The following PPM1H variants were observed in gnomAD, a reference collection of about 807,000 sequenced individuals.
The protein encoded by PPM1H is protein phosphatase 1H.
In PPM1H, 27 loss-of-function variants were observed where a neutral mutation model predicts 54.9. That is an observed-to-expected ratio of 0.49 (90% CI 0.36 to 0.68). The LOEUF is 0.68. Ranked by LOEUF, PPM1H falls within the 30% of genes least tolerant of loss-of-function variation. The pLI, the probability that PPM1H is intolerant of heterozygous loss-of-function variation, is 0.00. For missense variants in PPM1H, 596 were observed against 667.8 expected (o/e 0.89, Z 1.19); for synonymous variants, 305 against 270.8 (o/e 1.13, Z -1.24).
chr12:62,809,266 G>T (rs2076822297), intron 2 of PPM1H, among the ~76,000 whole-genome samples: 1 of 152,130 alleles, frequency 6.6e-6, no homozygotes, highest in Non-Finnish European at 1.5e-5. Flanking sequence ...GGCCAGGCTG[G>T]TCTCAAACTC....
At chr12:62,659,782 G>T (rs918421869) in intron 9 of PPM1H, among the ~76,000 whole-genome samples, 2 of 152,060 alleles carry the variant, frequency 1.3e-5, no homozygotes, top group African/African-American at 2.4e-5. Context: ...AGTAAAACAG[G>T]CCCACTCAAA....
At chr12:62,757,848 T>C (rs145419910) in intron 4 of PPM1H, among the ~76,000 whole-genome samples, 1 of 152,296 alleles carries the variant, frequency 6.6e-6, no homozygotes, top group African/African-American at 2.4e-5. Context: ...TAGAACACAA[T>C]TATTATCTTA....
intron 1 of PPM1H, among the ~76,000 whole-genome samples, chr12:62,908,009 T>A (rs925058408): frequency 1.3e-5 from 2 of 152,254 alleles, no homozygotes; most frequent in Non-Finnish European, 2.9e-5. Flanking sequence ...ACATTCCCTT[T>A]ATTTTAAAAT....
At chr12:62,660,444 A>G (rs960513807) in intron 9 of PPM1H, among the ~76,000 whole-genome samples, 4 of 152,354 alleles carry the variant, frequency 2.6e-5, no homozygotes. Flanking sequence ...AAAATATACT[A>G]CAAAGCTATA....
chr12:62,725,792 C>T (rs1018651191), intron 5 of PPM1H, among the ~76,000 whole-genome samples: 15 of 152,106 alleles, frequency 9.9e-5, no homozygotes, highest in Middle Eastern at 3.4e-3. Flanking sequence ...CATGCCTGTC[C>T]CCTGGCTGGC....
chr12:62,834,098 C>T lies in PPM1H; in HGVS notation c.246-1819G>A, dbSNP rs1868429336. Among the ~76,000 whole-genome samples the T allele has an allele frequency of 5.3e-5, 8 of 152,256 alleles. No homozygotes were observed. In the South Asian group the frequency reaches 1.7e-3, roughly 32 times the overall value. On this transcript the variant is annotated intron_variant, in intron 1 of 9. Transcript: ENST00000228705. The stretch of plus-strand genomic sequence containing the variant: ...CAAAAGCCTATGTTTACTTATTTCA[C>T]ATATTACAGTATTTCCTAAGATTTG...
intron 4 of PPM1H, among the ~76,000 whole-genome samples, chr12:62,752,367 A>T (rs1382707587): frequency 1.3e-5 from 2 of 152,330 alleles, no homozygotes; most frequent in East Asian, 1.9e-4. Flanking sequence ...AGAAAAAAAA[A>T]TTTTGTGACC....
intron 4 of PPM1H, among the ~76,000 whole-genome samples, chr12:62,759,562 A>G (rs2076494736): frequency 6.6e-6 from 1 of 152,196 alleles, no homozygotes; most frequent in Admixed American, 6.5e-5. Flanking sequence ...TCCCTTGGTG[A>G]TTAATCATTG....
chr12:62,648,572 G>C lies in PPM1H; in HGVS notation c.1462C>G (p.Arg488Gly), dbSNP rs752870905. ...GAGCCCAGTCGGTCATTAGATATCC[G>C]CCATCCTCTGTCCTTCAGCACACCC... Reference protein sequence around the residue: ...ARGVLKDRGWRISNDRLGSGD... With the variant: ...ARGVLKDRGWGISNDRLGSGD... Residue 488 changes from arginine to glycine, a missense_variant, in exon 10 of 10, where the codon CGG becomes GGG. By Grantham distance (125) the Arg-to-Gly change is moderately radical. Coordinates refer to ENST00000228705, the MANE Select transcript of PPM1H (RefSeq NM_020700.2). 1 of 1,613,814 alleles carries C rather than the reference G, an allele frequency of 6.2e-7. No homozygotes were observed. Among genetic ancestry groups the C allele is most frequent in the South Asian group, 1.1e-5 (1 of 91,076 alleles).
At chr12:62,916,212 G>A (rs1446639080) in intron 1 of PPM1H, among the ~76,000 whole-genome samples, 1 of 152,226 alleles carries the variant, frequency 6.6e-6, no homozygotes, top group African/African-American at 2.4e-5. Flanking sequence ...TTAGCTGACT[G>A]AAAACTGAGT....
chr12:62,903,128 A>G (rs368330449), intron 1 of PPM1H, among the ~76,000 whole-genome samples: 1 of 152,176 alleles, frequency 6.6e-6, no homozygotes, highest in South Asian at 2.1e-4. Flanking sequence ...TACACTGGCA[A>G]GAGTCCAGCT....
At chr12:62,691,810 CAAAA>C (rs34984420) in intron 7 of PPM1H, among the ~76,000 whole-genome samples, 3 of 127,822 alleles carry the variant, frequency 2.3e-5, no homozygotes, top group African/African-American at 2.9e-5. Flanking sequence ...TGCCATGTCT[CAAAA>C]AAAAAAAAAA....
intron 6 of PPM1H, among the ~76,000 whole-genome samples, chr12:62,706,962 C>T (rs2076178256): frequency 6.6e-6 from 1 of 152,190 alleles, no homozygotes; most frequent in Non-Finnish European, 1.5e-5. Flanking sequence ...TGTACAAGAT[C>T]ACTATAGAAT....
intron 5 of PPM1H, among the ~76,000 whole-genome samples, chr12:62,729,751 C>T (rs117508276): frequency 2.0e-5 from 3 of 152,302 alleles, no homozygotes; most frequent in Non-Finnish European, 4.4e-5. Context: ...ATTAAGTCTG[C>T]GAAATTCATC....
At chr12:62,869,827 C>A (rs1869916549) in intron 1 of PPM1H, among the ~76,000 whole-genome samples, 1 of 152,152 alleles carries the variant, frequency 6.6e-6, no homozygotes, top group African/African-American at 2.4e-5. Flanking sequence ...ATATTTTTAA[C>A]TTCAAGGCCT....
chr12:62,768,628 C>A (rs1418628300), intron 4 of PPM1H, among the ~76,000 whole-genome samples: 1 of 151,142 alleles, frequency 6.6e-6, no homozygotes, highest in Non-Finnish European at 1.5e-5. Context: ...GCACTCCAGA[C>A]TGGGCAACAG....
Position 62,839,741 on chromosome 12 carries a change from G to T in PPM1H, c.246-7462C>A, listed in dbSNP as rs1312402450. ...CCTATAGTCATTTATGTTAGTTTTA[G>T]TCCTTCTGGGTTTCTGACACAAAAT... is the stretch of plus-strand genomic sequence containing the variant. On this transcript the variant is annotated intron_variant, in intron 1 of 9. Transcript: ENST00000228705. 1.3e-5 allele frequency among the ~76,000 whole-genome samples: 2 copies of T among 151,694 alleles called. 1 individual carries two copies. Among genetic ancestry groups the T allele is most frequent in the African/African-American group, 4.8e-5 (2 of 41,282 alleles).
intron 8 of PPM1H, among the ~76,000 whole-genome samples, chr12:62,678,274 C>T (rs1275609115): frequency 6.6e-6 from 1 of 152,216 alleles, no homozygotes; most frequent in Non-Finnish European, 1.5e-5. Context: ...AACTTCTAAA[C>T]ATTCTTATAT....
chr12:62,908,836 T>C (rs1042547417), intron 1 of PPM1H, among the ~76,000 whole-genome samples: 2 of 152,196 alleles, frequency 1.3e-5, no homozygotes, highest in Admixed American at 6.5e-5. Context: ...ACATTTTCCC[T>C]TATCTATTTA....
Sources: gnomAD v4.1 joint callset for allele counts (sites outside exome capture counted in the v4.1 genomes callset) on GRCh38, gnomAD v4.1.1 for gene constraint, MANE v1.5 for transcripts, NCBI Gene and HGNC (gene_info 2026-07-23, HGNC 2026-07-21) for gene names.